CTSB: variants seen among roughly 807,000 people sequenced by gnomAD.
CTSB encodes the protein cathepsin B, also known as APP secretase.
In CTSB, 57 loss-of-function variants were observed where a neutral mutation model predicts 44.3. That is an observed-to-expected ratio of 1.29 (90% CI 1.04 to 1.60). The LOEUF (loss-of-function observed/expected upper bound fraction) is 1.60, where lower values mean the gene tolerates loss of function less well. Ranked by LOEUF, CTSB falls within the 40% of genes most tolerant of loss-of-function variation. The pLI is 0.00. For missense variants in CTSB, 768 were observed against 443.0 expected (o/e 1.73, Z -6.59); for synonymous variants, 320 against 168.0 (o/e 1.91, Z -7.00).
rs1812809655 is a variant in CTSB, at chr8:11,844,267, C to G, written c.*858G>C. On this transcript the variant is annotated 3_prime_UTR_variant, in exon 10 of 10. Coordinates refer to ENST00000353047, the MANE Select transcript of CTSB (RefSeq NM_001908.5). Reference sequence around the variant, plus strand: ...CTGCAGGGACAAAGAGAGACAGCAGCTACAAGTCTATAGGCAGTGACAAAG... The same window carrying G: ...CTGCAGGGACAAAGAGAGACAGCAGGTACAAGTCTATAGGCAGTGACAAAG... The G allele has an allele frequency of 1.3e-5, 2 of 152,182 alleles. No individual in the cohort carries two copies. The highest frequency in any genetic ancestry group is 3.8e-4 in the East Asian group (2 of 5,200). The allele number at this position is 152,182 out of a possible 1,614,324, so 9.4% of individuals were successfully genotyped here. A position where few individuals can be genotyped will look rare whatever the true frequency, so the allele number is the denominator to read the frequency against.
chr8:11,862,417 C>G (rs1816571473), intron 1 of CTSB: 1 of 152,210 alleles, frequency 6.6e-6, no homozygotes, highest in Non-Finnish European at 1.5e-5. Flanking sequence ...AAGCCATCTC[C>G]TTATACATAG....
At chr8:11,855,573 C>G (rs1022083377) in intron 1 of CTSB, among the ~76,000 whole-genome samples, 2 of 152,168 alleles carry the variant, frequency 1.3e-5, no homozygotes, top group Admixed American at 1.3e-4. Context: ...AGGGAAAATG[C>G]TTGCATTACA....
chr8:11,846,623 A>C (rs533246584), intron 8 of CTSB, among the ~76,000 whole-genome samples: 1 of 152,218 alleles, frequency 6.6e-6, no homozygotes, highest in African/African-American at 2.4e-5. Flanking sequence ...AGGCCTTTGC[A>C]AAGAGAAAGA....
rs749269632 is a variant in CTSB, at chr8:11,844,858, C to G, written c.*267G>C. 1 of 431,168 alleles carries G rather than the reference C, an allele frequency of 2.3e-6. No individual in the cohort carries two copies. The highest frequency in any genetic ancestry group is 4.2e-6 in the Non-Finnish European group (1 of 237,998). The allele number at this position is 431,168 out of a possible 1,614,324, so 26.7% of individuals were successfully genotyped here. A position where few individuals can be genotyped will look rare whatever the true frequency, so the allele number is the denominator to read the frequency against. ...GGATCACGGAGGGGGCCACAGTCAG[C>G]TGGGGCAGCAGGTACTCCCTACGGC... On this transcript the variant is annotated 3_prime_UTR_variant, in exon 10 of 10. Coordinates refer to ENST00000353047, the MANE Select transcript of CTSB (RefSeq NM_001908.5).
In CTSB at chr8:11,845,496, C is replaced by T. The variant is rs187694088; in HGVS notation, c.922+165G>A. 6.8e-4 allele frequency among the ~76,000 whole-genome samples: 104 copies of T among 152,328 alleles called. 1 individual carries two copies. Among genetic ancestry groups the T allele is most frequent in the African/African-American group, 2.2e-3 (93 of 41,572 alleles). ...TGAAGCTGCTCAGAGTCTGCCCTCA[C>T]AGCAAAAGGGAACTCCTGACTGCCT... On this transcript the variant is annotated intron_variant, in intron 9 of 9. Transcript: ENST00000353047.
In CTSB at chr8:11,843,426, C is replaced by A. The variant is rs934264792; in HGVS notation, c.*1699G>T. ...ACCACTTCAGTTGGGAAGGGGAGTA[C>A]TGAGGTGTACCTTGGCAGGACAGTG... is the stretch of plus-strand genomic sequence containing the variant. On this transcript the variant is annotated 3_prime_UTR_variant, in exon 10 of 10. Coordinates refer to ENST00000353047, the MANE Select transcript of CTSB (RefSeq NM_001908.5). The A allele has an allele frequency of 2.6e-5, 4 of 152,206 alleles. No individual in the cohort carries two copies. Among genetic ancestry groups the A allele is most frequent in the Admixed American group, 2.0e-4 (3 of 15,284 alleles). The allele number at this position is 152,206 out of a possible 1,614,324, so 9.4% of individuals were successfully genotyped here.
At position 11,845,235 on chromosome 8, in the gene CTSB, A is replaced by C; in HGVS notation, c.923-13T>G. ...ATTTTAAAGAAGCCTGGGAATAAAAAGTAAGGTGCTTTTAAAGTGTGACAA... is the reference window on the plus strand; with the variant it reads ...ATTTTAAAGAAGCCTGGGAATAAAACGTAAGGTGCTTTTAAAGTGTGACAA... On this transcript the variant is annotated splice_polypyrimidine_tract_variant and intron_variant, in intron 9 of 9. Transcript: ENST00000353047. 1 of 1,595,882 alleles carries C rather than the reference A, an allele frequency of 6.3e-7. No individual in the cohort carries two copies. The highest frequency in any genetic ancestry group is 8.6e-7 in the Non-Finnish European group (1 of 1,163,588).
In CTSB at chr8:11,858,643, C is replaced by T. The variant is rs75913958; in HGVS notation, c.-25-5164G>A. On this transcript the variant is annotated intron_variant, in intron 1 of 9. Coordinates refer to ENST00000353047, the MANE Select transcript of CTSB (RefSeq NM_001908.5). ...AGCATTTAACATCCAAAAATGCTTC[C>T]ACTCTTGAGGGTCCCGAGACTGCTG... Among the ~76,000 whole-genome samples, 206 of 152,300 alleles carry T rather than the reference C, an allele frequency of 1.4e-3. 3 individuals are homozygous for T. In the East Asian group the frequency reaches 0.035, roughly 26 times the overall value.
chr8:11,864,535 A>T (rs1199432403), intron 1 of CTSB: 2 of 152,220 alleles, frequency 1.3e-5, no homozygotes, highest in African/African-American at 4.8e-5. Flanking sequence ...AAAAATGTGC[A>T]GAAGAATCCA....
intron 1 of CTSB, chr8:11,854,948 T>A (rs1398514824): frequency 2.6e-5 from 4 of 152,312 alleles, no homozygotes; most frequent in African/African-American, 9.6e-5. Flanking sequence ...AGGACAGTGC[T>A]TGTACAAGTG....
chr8:11,857,903 A>G (rs6996115), intron 1 of CTSB: 2,134 of 141,252 alleles, frequency 0.015, 48 homozygotes, highest in African/African-American at 0.05. Flanking sequence ...CTCCTCCCCT[A>G]TGGTATCCAG....
At chr8:11,867,596 G>T (rs545984675) in intron 1 of CTSB, 2 of 152,238 alleles carry the variant, frequency 1.3e-5, no homozygotes, top group Non-Finnish European at 2.9e-5. Flanking sequence ...AGTTTGGCCC[G>T]GAGACACCGA....
intron 3 of CTSB, 121 bp from the exon 4 acceptor site, chr8:11,851,101 A>G: frequency 1.7e-6 from 1 of 575,462 alleles, no homozygotes; most frequent in Non-Finnish European, 3.2e-6. Flanking sequence ...AGACATGCCG[A>G]AGAAGGCTGC....
In CTSB at chr8:11,847,885, G is replaced by A. The variant is rs1334938371; in HGVS notation, c.533-63C>T. On this transcript the variant is annotated intron_variant, in intron 6 of 9. Transcript: ENST00000353047. ...CCCCCACGGAGAAGACCTGGGGCAA[G>A]GCAAGCCTCGTGCCTGCAGCATGGA... 1.4e-5 allele frequency: 20 copies of A among 1,421,522 alleles called. No individual in the cohort carries two copies. In the African/African-American group the frequency reaches 1.5e-4, roughly 11 times the overall value. The allele number at this position is 1,421,522 out of a possible 1,614,324, so 88.1% of individuals were successfully genotyped here.
chr8:11,860,772 A>AT (rs1292799512), intron 1 of CTSB, among the ~76,000 whole-genome samples: 1 of 152,234 alleles, frequency 6.6e-6, no homozygotes, highest in Non-Finnish European at 1.5e-5. Context: ...AAGGCTCAGT[A>AT]AGACCTTCCC....
In CTSB at chr8:11,849,085, T is replaced by G. The variant is rs768479059; in HGVS notation, c.407A>C (p.Glu136Ala). 1 of 1,613,520 alleles carries G rather than the reference T, an allele frequency of 6.2e-7. No homozygotes were observed. Among genetic ancestry groups the G allele is most frequent in the Non-Finnish European group, 8.5e-7 (1 of 1,179,774 alleles). Residue 136 changes from glutamate (E) to alanine (A), a missense_variant, in exon 5 of 10, where the codon GAG becomes GCG. Transcript: ENST00000353047. ...NAHVSVEVSA[E>A]DLLTCCGSMC... is the part of the protein sequence containing the mutation. ...GCTGCCACAGCATGTGAGCAGGTCC[T>G]CCGCCGACACCTCCACGCTGACGTG...
Position 11,844,821 on chromosome 8 carries a change from CTGGAGATGGA to C in CTSB, c.*294_*303del, listed in dbSNP as rs1812942568. ...CATTCCTGCGTCTCTGTCTTGCTCC[CTGGAGATGGA>C]TGGATCACGGAGGGGGCCACAGTCA... On this transcript the variant is annotated 3_prime_UTR_variant, in exon 10 of 10. Coordinates refer to ENST00000353047, the MANE Select transcript of CTSB (RefSeq NM_001908.5). 1 of 344,282 alleles carries C rather than the reference CTGGAGATGGA, an allele frequency of 2.9e-6. No homozygotes were observed. The allele number at this position is 344,282 out of a possible 1,614,324, so 21.3% of individuals were successfully genotyped here.
intron 2 of CTSB, 38 bp downstream of exon 2, chr8:11,853,291 G>C (rs779854519): frequency 6.2e-5 from 100 of 1,609,606 alleles, no homozygotes; most frequent in Non-Finnish European, 8.3e-5. Flanking sequence ...AGACCGACCT[G>C]GGAGGGGACA....
In CTSB at chr8:11,848,101, G is replaced by T. The variant is rs1369261440; in HGVS notation, c.498C>A (p.Gly166=). 14 of 1,614,124 alleles carry T rather than the reference G, an allele frequency of 8.7e-6. No homozygotes were observed. Among genetic ancestry groups the T allele is most frequent in the Non-Finnish European group, 1.2e-5 (14 of 1,179,980 alleles). Residue 166 remains glycine, a synonymous_variant, in exon 6 of 10, where the codon GGC becomes GGA. Coordinates refer to ENST00000353047, the MANE Select transcript of CTSB (RefSeq NM_001908.5). The part of the protein sequence containing the change: ...AEAWNFWTRK[G]LVSGGLYESH... The stretch of plus-strand genomic sequence containing the variant: ...ATTCATAGAGGCCACCAGAAACCAG[G>T]CCTTTTCTTGTCCAGAAGTTCCAAG...
Sources: gnomAD v4.1 joint callset for allele counts (sites outside exome capture counted in the v4.1 genomes callset) on GRCh38, gnomAD v4.1.1 for gene constraint, MANE v1.5 for transcripts, NCBI Gene and HGNC (gene_info 2026-07-23, HGNC 2026-07-21) for gene names.